Variants in BTG4 observed in about 807,000 individuals in gnomAD.
BTG4 encodes BTG anti-proliferation factor 4, also known as protein BTG4.
In BTG4, 10 loss-of-function variants were observed where a neutral mutation model predicts 19.3. The ratio of observed to expected loss-of-function variants is 0.52; its 90% CI spans 0.32 to 0.88. The LOEUF (loss-of-function observed/expected upper bound fraction) is 0.88. BTG4 is among the 40% of genes least tolerant of loss of function. BTG4 has a pLI of 0.04. For missense variants in BTG4, 238 were observed against 281.9 expected (o/e 0.84, Z 1.11); for synonymous variants, 91 against 95.7 (o/e 0.95, Z 0.29).
intron 1 of BTG4, among the ~76,000 whole-genome samples, chr11:111,502,190 T>C (rs376785205): frequency 1.5e-4 from 23 of 152,102 alleles, no homozygotes; most frequent in East Asian, 9.6e-4. Flanking sequence ...CAGGTTGGTC[T>C]TGAACTCCTG....
At chr11:111,453,975 T>C in the BTG4 span, among the ~76,000 whole-genome samples, 1 of 152,220 alleles carries the variant, frequency 6.6e-6, no homozygotes. Context: ...TGGGATTTGT[T>C]TGTGCTCCTA....
At chr11:111,496,674 A>G (rs1425352004) in intron 4 of BTG4, 1 of 152,620 alleles carries the variant, frequency 6.6e-6, no homozygotes, top group African/African-American at 2.4e-5. Flanking sequence ...AATGAATTTA[A>G]TTGGAAGTAT....
the BTG4 span, among the ~76,000 whole-genome samples, chr11:111,395,092 A>G: frequency 6.6e-6 from 1 of 152,250 alleles, no homozygotes; most frequent in African/African-American, 2.4e-5. Context: ...CCTGGAGCAG[A>G]GAGGGCAGTC....
chr11:111,425,579 T>C, the BTG4 span, among the ~76,000 whole-genome samples: 2,818 of 152,246 alleles, frequency 0.019, 67 homozygotes, highest in African/African-American at 0.064. Context: ...ACGGGAAATA[T>C]TGAAATTTCA....
intron 5 of BTG4, among the ~76,000 whole-genome samples, chr11:111,485,910 A>G (rs1020065153): frequency 6.6e-6 from 1 of 152,208 alleles, no homozygotes; most frequent in African/African-American, 2.4e-5. Flanking sequence ...AGAACCAAAC[A>G]AATAAAACCA....
At chr11:111,487,167 C>A (rs1398659807) in intron 5 of BTG4, among the ~76,000 whole-genome samples, 2 of 152,134 alleles carry the variant, frequency 1.3e-5, no homozygotes, top group Non-Finnish European at 2.9e-5. Context: ...CTTTTTATGG[C>A]TGTGTAGTAT....
chr11:111,513,011 AAAC>A, upstream of BTG4: 2 of 464,842 alleles, frequency 4.3e-6, no homozygotes, highest in Middle Eastern at 3.8e-4. Flanking sequence ...ACTGCCATCA[AAAC>A]AAGGCACAGC....
At chr11:111,481,442 T>C (rs1413482593) in intron 5 of BTG4, among the ~76,000 whole-genome samples, 1 of 151,834 alleles carries the variant, frequency 6.6e-6, no homozygotes, top group African/African-American at 2.4e-5. Context: ...ATGAAGTGTT[T>C]ACAGTATGTA....
chr11:111,472,812 C>T (rs1864153264), intron 5 of BTG4, among the ~76,000 whole-genome samples: 2 of 152,168 alleles, frequency 1.3e-5, no homozygotes, highest in Non-Finnish European at 2.9e-5. Context: ...AGGCCATGTG[C>T]CAGGCTCACA....
intron 1 of BTG4, among the ~76,000 whole-genome samples, chr11:111,502,508 G>C (rs1361334182): frequency 6.6e-6 from 1 of 152,118 alleles, no homozygotes; most frequent in Non-Finnish European, 1.5e-5. Context: ...CCATTTGCTA[G>C]GGTAACTTTT....
chr11:111,436,900 C>CA, the BTG4 span, among the ~76,000 whole-genome samples: 1 of 152,178 alleles, frequency 6.6e-6, no homozygotes, highest in Non-Finnish European at 1.5e-5. Context: ...CGGCAGATGG[C>CA]AGACAGCATG....
At chr11:111,415,206 T>C in the BTG4 span, among the ~76,000 whole-genome samples, 5 of 152,062 alleles carry the variant, frequency 3.3e-5, no homozygotes, top group African/African-American at 9.7e-5. Context: ...GCCCTGTTAT[T>C]GGCTTACTGT....
At chr11:111,453,708 C>T in the BTG4 span, 1 of 356,298 alleles carries the variant, frequency 2.8e-6, no homozygotes, top group South Asian at 2.1e-5. Flanking sequence ...CACTGATTTG[C>T]TCAAAAAATC....
At chr11:111,431,156 A>G in the BTG4 span, among the ~76,000 whole-genome samples, 3 of 152,232 alleles carry the variant, frequency 2.0e-5, no homozygotes, top group African/African-American at 7.2e-5. Flanking sequence ...AAGGAGGGCT[A>G]TATTGTTCAG....
chr11:111,472,454 G>C (rs1009674795), intron 5 of BTG4, among the ~76,000 whole-genome samples: 6 of 152,200 alleles, frequency 3.9e-5, no homozygotes, highest in Admixed American at 3.9e-4. Flanking sequence ...GGTTGCCACT[G>C]ACAACTAGTG....
the BTG4 span, among the ~76,000 whole-genome samples, chr11:111,394,253 C>G: frequency 1.3e-5 from 2 of 152,176 alleles, no homozygotes; most frequent in African/African-American, 4.8e-5. Context: ...AAGTTCCTGC[C>G]CTTTCCATAC....
the BTG4 span, chr11:111,451,489 G>T: frequency 2.4e-6 from 1 of 423,734 alleles, no homozygotes; most frequent in Non-Finnish European, 5.0e-6. Flanking sequence ...CTGCAGGCCA[G>T]GTGTGGTGGC....
the BTG4 span, chr11:111,386,353 TAGAA>T: frequency 6.6e-6 from 1 of 152,200 alleles, no homozygotes; most frequent in Non-Finnish European, 1.5e-5. Context: ...TGGTGTTAGA[TAGAA>T]AGAAAATTCA....
the BTG4 span, among the ~76,000 whole-genome samples, chr11:111,435,720 G>A: frequency 6.6e-6 from 1 of 152,266 alleles, no homozygotes; most frequent in Admixed American, 6.5e-5. Flanking sequence ...AGAGATGTTG[G>A]GGAAGATCTA....
Sources: allele counts gnomAD v4.1 joint callset (sites outside exome capture counted in the v4.1 genomes callset), GRCh38; gene constraint gnomAD v4.1.1; transcripts MANE v1.5; gene names NCBI Gene and HGNC (gene_info 2026-07-23, HGNC 2026-07-21).